COMMD1: variants seen among roughly 807,000 people sequenced by gnomAD.
The protein encoded by COMMD1 is COMM domain-containing protein 1.
COMMD1 carries 10 observed loss-of-function variants against 17.2 expected under a neutral mutation model. The observed-to-expected ratio is 0.58, with a 90% CI of 0.36 to 0.99. The LOEUF (loss-of-function observed/expected upper bound fraction) is 0.99, where lower values mean the gene tolerates loss of function less well. Among genes scored for constraint, COMMD1 ranks in the 50% least tolerant of loss-of-function variants. The probability of loss-of-function intolerance (pLI) is 0.01; values close to 1 mark genes in which losing one functional copy is unlikely to be tolerated. For missense variants in COMMD1, 270 were observed against 231.8 expected (o/e 1.17, Z -1.07); for synonymous variants, 97 against 91.6 (o/e 1.06, Z -0.34).
intron 1 of COMMD1, among the ~76,000 whole-genome samples, chr2:61,985,217 A>AT (rs1672073908): frequency 6.6e-6 from 1 of 151,526 alleles, no homozygotes; most frequent in Non-Finnish European, 1.5e-5. Context: ...CGCCTGGCTA[A>AT]TTTTTTGTAT....
At chr2:62,131,019 A>C (rs1410142704) in intron 2 of COMMD1, among the ~76,000 whole-genome samples, 2 of 152,170 alleles carry the variant, frequency 1.3e-5, no homozygotes, top group Admixed American at 1.3e-4. Flanking sequence ...GTTCATTAGG[A>C]ATATGTGAGA....
chr2:61,944,165 C>T (rs1040443083), intron 1 of COMMD1, among the ~76,000 whole-genome samples: 43 of 152,118 alleles, frequency 2.8e-4, no homozygotes, highest in African/African-American at 9.6e-4. Context: ...TAGAATGCAC[C>T]TCTGGGCCAG....
intron 2 of COMMD1, among the ~76,000 whole-genome samples, chr2:62,052,202 G>A (rs978767691): frequency 1.3e-5 from 2 of 152,114 alleles, no homozygotes; most frequent in African/African-American, 4.8e-5. Context: ...TGTAATCCCA[G>A]CACTTTGGGA....
chr2:61,892,753 G>GT (rs993130493), intron 1 of COMMD1, among the ~76,000 whole-genome samples: 15 of 151,410 alleles, frequency 9.9e-5, no homozygotes, highest in Non-Finnish European at 1.5e-5. Flanking sequence ...TCTCTCTTAG[G>GT]TTTTACTCCA....
intron 2 of COMMD1, among the ~76,000 whole-genome samples, chr2:62,103,290 T>C (rs987956797): frequency 2.6e-5 from 4 of 152,208 alleles, no homozygotes; most frequent in Admixed American, 6.5e-5. Flanking sequence ...ATCGTATTTC[T>C]ATACCTCTTC....
At chr2:62,066,924 C>T (rs1671067223) in intron 2 of COMMD1, among the ~76,000 whole-genome samples, 1 of 151,678 alleles carries the variant, frequency 6.6e-6, no homozygotes, top group African/African-American at 2.4e-5. Flanking sequence ...CAGGGTTTCA[C>T]CATGTTGGCC....
chr2:62,022,580 C>A (rs1345841665), intron 2 of COMMD1, among the ~76,000 whole-genome samples: 1 of 142,084 alleles, frequency 7.0e-6, no homozygotes, highest in Non-Finnish European at 1.5e-5. Flanking sequence ...TGTTTTAATT[C>A]TAGTTTCACC....
chr2:62,129,893 G>C (rs561771537), intron 2 of COMMD1, among the ~76,000 whole-genome samples: 90 of 152,318 alleles, frequency 5.9e-4, no homozygotes, highest in African/African-American at 2.1e-3. Flanking sequence ...GAGTCCCTTT[G>C]AGCCGGGCGC....
At chr2:62,063,645 T>C (rs989908011) in intron 2 of COMMD1, among the ~76,000 whole-genome samples, 4 of 152,018 alleles carry the variant, frequency 2.6e-5, no homozygotes, top group African/African-American at 9.7e-5. Context: ...TTTTGGGTAC[T>C]TTTGACCTGC....
chr2:62,038,930 C>T (rs1231586587), intron 2 of COMMD1, among the ~76,000 whole-genome samples: 1 of 152,136 alleles, frequency 6.6e-6, no homozygotes. Flanking sequence ...TTTATGTATA[C>T]TCATATACAC....
intron 2 of COMMD1, among the ~76,000 whole-genome samples, chr2:62,029,504 T>G (rs1669856675): frequency 6.6e-6 from 1 of 152,188 alleles, no homozygotes; most frequent in Admixed American, 6.5e-5. Context: ...TTAACCCATA[T>G]CCCTTCTTGT....
intron 2 of COMMD1, among the ~76,000 whole-genome samples, chr2:62,016,345 A>G (rs1458790746): frequency 6.7e-6 from 1 of 150,368 alleles, no homozygotes; most frequent in African/African-American, 2.4e-5. Flanking sequence ...AGTAGCTGGG[A>G]CTACAGGTGC....
intron 1 of COMMD1, among the ~76,000 whole-genome samples, chr2:61,906,532 A>T (rs1669775710): frequency 1.3e-5 from 2 of 152,230 alleles, no homozygotes; most frequent in Non-Finnish European, 2.9e-5. Flanking sequence ...CACTTAAAGC[A>T]CATATCTCGG....
intron 1 of COMMD1, among the ~76,000 whole-genome samples, chr2:61,919,542 CG>C (rs954880464): frequency 6.9e-6 from 1 of 143,932 alleles, no homozygotes; most frequent in African/African-American, 2.6e-5. Flanking sequence ...GGCTTCATCG[CG>C]TTTTTTTTTT....
intron 2 of COMMD1, among the ~76,000 whole-genome samples, chr2:62,074,141 C>T (rs945271027): frequency 1.3e-5 from 2 of 152,166 alleles, no homozygotes; most frequent in Non-Finnish European, 2.9e-5. Flanking sequence ...GGAATCAGGG[C>T]ACATCACCCT....
intron 2 of COMMD1, among the ~76,000 whole-genome samples, chr2:62,067,615 C>A (rs1671089849): frequency 6.6e-6 from 1 of 151,986 alleles, no homozygotes; most frequent in African/African-American, 2.4e-5. Context: ...ATTTTTTATG[C>A]CTAGTTTTGA....
At chr2:61,914,658 CTGTA>C (rs1558519766) in intron 1 of COMMD1, among the ~76,000 whole-genome samples, 1 of 152,002 alleles carries the variant, frequency 6.6e-6, no homozygotes, top group Admixed American at 6.6e-5. Context: ...TGGCTCATGC[CTGTA>C]TTTCAGCACT....
At chr2:62,099,573 C>CTT (rs1041648682) in intron 2 of COMMD1, among the ~76,000 whole-genome samples, 2 of 143,788 alleles carry the variant, frequency 1.4e-5, no homozygotes, top group Non-Finnish European at 1.5e-5. Flanking sequence ...CTATCTCTCT[C>CTT]TTTTTTTTTT....
intron 2 of COMMD1, among the ~76,000 whole-genome samples, chr2:62,092,619 A>C (rs1671865162): frequency 6.6e-6 from 1 of 152,144 alleles, no homozygotes. Flanking sequence ...TTTCCAATAT[A>C]CAAAGTCACC....
Sources: allele counts gnomAD v4.1 joint callset (sites outside exome capture counted in the v4.1 genomes callset), GRCh38; gene constraint gnomAD v4.1.1; transcripts MANE v1.5; gene names NCBI Gene and HGNC (gene_info 2026-07-23, HGNC 2026-07-21).